The following ANKFN1 variants were observed in gnomAD, a reference collection of about 807,000 sequenced individuals.
The protein encoded by ANKFN1 is ankyrin repeat and fibronectin type-III domain-containing protein 1.
ANKFN1 carries 74 observed loss-of-function variants against 108.7 expected under a neutral mutation model. The ratio of observed to expected loss-of-function variants is 0.68; its 90% CI spans 0.56 to 0.83. The LOEUF (loss-of-function observed/expected upper bound fraction) is 0.83. Among genes scored for constraint, ANKFN1 ranks in the 40% least tolerant of loss-of-function variants. ANKFN1 has a pLI of 0.00. For synonymous variants in ANKFN1, 547 were observed against 516.2 expected, an observed-to-expected ratio of 1.06 and a Z score of -0.81; for missense variants, 1,505 against 1,382.3, an observed-to-expected ratio of 1.09 and a Z score of -1.41.
chr17:56,272,446 TATC>T (rs1383890902), intron 3 of ANKFN1, among the ~76,000 whole-genome samples: 4 of 152,192 alleles, frequency 2.6e-5, no homozygotes, highest in African/African-American at 4.8e-5. Context: ...CTTAGGATAA[TATC>T]ATCAGGGTTA....
intron 4 of ANKFN1, among the ~76,000 whole-genome samples, chr17:56,064,877 A>G (rs964897538): frequency 6.6e-6 from 1 of 152,158 alleles, no homozygotes; most frequent in Admixed American, 6.5e-5. Context: ...GGATCTTCCA[A>G]TCTGTGGGTC....
intron 8 of ANKFN1, among the ~76,000 whole-genome samples, chr17:56,408,198 G>A (rs1433701223): frequency 6.6e-6 from 1 of 152,032 alleles, no homozygotes; most frequent in Admixed American, 6.5e-5. Flanking sequence ...GCCTCCCAAA[G>A]TGCTGAGATT....
chr17:56,335,327 G>T (rs577478328), intron 4 of ANKFN1, among the ~76,000 whole-genome samples: 2 of 152,076 alleles, frequency 1.3e-5, no homozygotes, highest in Non-Finnish European at 2.9e-5. Context: ...CCATTTTCAC[G>T]ATATTGATTC....
intron 8 of ANKFN1, among the ~76,000 whole-genome samples, chr17:56,389,165 C>G (rs374518218): frequency 6.6e-6 from 1 of 152,156 alleles, no homozygotes; most frequent in East Asian, 1.9e-4. Context: ...ATCCAGATGT[C>G]CTTAAATTGG....
At chr17:56,434,540 G>A (rs2048870018) in intron 8 of ANKFN1, among the ~76,000 whole-genome samples, 1 of 152,146 alleles carries the variant, frequency 6.6e-6, no homozygotes, top group African/African-American at 2.4e-5. Flanking sequence ...AAAGATTCTT[G>A]TTTGAAAGTA....
At chr17:56,229,005 T>C (rs1368542767) in intron 3 of ANKFN1, among the ~76,000 whole-genome samples, 4 of 152,178 alleles carry the variant, frequency 2.6e-5, no homozygotes, top group East Asian at 3.9e-4. Flanking sequence ...TGTGTTCAGC[T>C]GAACTGCAGG....
chr17:56,184,083 G>A (rs1210439378), intron 1 of ANKFN1, among the ~76,000 whole-genome samples: 2 of 152,176 alleles, frequency 1.3e-5, no homozygotes, highest in African/African-American at 2.4e-5. Context: ...AAACTTACTT[G>A]AGAAAGCAGT....
chr17:56,227,970 C>T lies in ANKFN1; in HGVS notation c.53+13C>T. 2.5e-6 allele frequency: 4 copies of T among 1,602,758 alleles called. No individual in the cohort carries two copies. The highest frequency in any genetic ancestry group is 1.1e-5 in the South Asian group (1 of 88,964). On this transcript the variant is annotated intron_variant, in intron 3 of 20. Coordinates refer to ENST00000682825, the MANE Select transcript of ANKFN1 (RefSeq NM_001370326.1). ...CTTGCAGCAAAATGTAAGTACATTT[C>T]CTCCTTGAAATGGTATCTACTTCTC...
intron 1 of ANKFN1, among the ~76,000 whole-genome samples, chr17:56,206,752 G>T (rs1914572152): frequency 6.6e-6 from 1 of 152,102 alleles, no homozygotes; most frequent in African/African-American, 2.4e-5. Context: ...CATATCCTTT[G>T]GCAAGAGATG....
intron 18 of ANKFN1, among the ~76,000 whole-genome samples, chr17:56,487,210 C>G (rs963534086): frequency 6.6e-6 from 1 of 152,154 alleles, no homozygotes; most frequent in Non-Finnish European, 1.5e-5. Context: ...TTTCCACAGC[C>G]TGAAGGTTGA....
chr17:56,326,054 G>T lies in ANKFN1; in HGVS notation c.54-167G>T, dbSNP rs148748404. On this transcript the variant is annotated intron_variant, in intron 3 of 20. Coordinates refer to ENST00000682825, the MANE Select transcript of ANKFN1 (RefSeq NM_001370326.1). ...AGCTACAGGAATCAAGCCTTCCCCA[G>T]GCTGCAGTCTAGAGAATACACCTAG... Among the ~76,000 whole-genome samples the T allele has an allele frequency of 1.2e-4, 18 of 152,294 alleles. No homozygotes were observed. The East Asian group carries it at 3.5e-3, about 29-fold the overall frequency.
intron 8 of ANKFN1, among the ~76,000 whole-genome samples, chr17:56,430,198 A>G (rs1241809710): frequency 3.3e-5 from 5 of 152,146 alleles, no homozygotes; most frequent in Non-Finnish European, 7.4e-5. Flanking sequence ...CTAGCTGATC[A>G]ATAATCTAAT....
intron 4 of ANKFN1, among the ~76,000 whole-genome samples, chr17:56,064,295 G>A (rs939156194): frequency 4.6e-5 from 7 of 152,204 alleles, no homozygotes; most frequent in African/African-American, 7.2e-5. Flanking sequence ...AAACCCACTC[G>A]TCTGGGCTGC....
intron 4 of ANKFN1, among the ~76,000 whole-genome samples, chr17:56,105,990 G>A (rs1454388887): frequency 6.6e-6 from 1 of 152,058 alleles, no homozygotes; most frequent in Non-Finnish European, 1.5e-5. Context: ...GGCCCAAAAT[G>A]TCAGTAGTGC....
chr17:56,318,586 G>A (rs1199999693), intron 3 of ANKFN1, among the ~76,000 whole-genome samples: 1 of 152,134 alleles, frequency 6.6e-6, no homozygotes, highest in Non-Finnish European at 1.5e-5. Context: ...ATGAAGTTAG[G>A]CTGTGCTGAG....
At chr17:56,117,973 G>A (rs1906379509) in intron 4 of ANKFN1, among the ~76,000 whole-genome samples, 1 of 151,990 alleles carries the variant, frequency 6.6e-6, no homozygotes, top group Non-Finnish European at 1.5e-5. Flanking sequence ...TCTTATAATA[G>A]AATCATACAA....
chr17:56,484,333 C>T (rs1179135330), intron 18 of ANKFN1, among the ~76,000 whole-genome samples: 1 of 150,540 alleles, frequency 6.6e-6, no homozygotes, highest in African/African-American at 2.5e-5. Context: ...TTTATTCATC[C>T]AGTGTTAGGG....
At chr17:56,172,966 A>C (rs539011125) in intron 1 of ANKFN1, among the ~76,000 whole-genome samples, 2 of 152,326 alleles carry the variant, frequency 1.3e-5, no homozygotes, top group African/African-American at 4.8e-5. Context: ...GTTAGTTTTC[A>C]GTCCCCACCA....
chr17:56,296,699 AAAC>A (rs572858230), intron 3 of ANKFN1, among the ~76,000 whole-genome samples: 41 of 151,924 alleles, frequency 2.7e-4, no homozygotes, highest in Admixed American at 4.6e-4. Flanking sequence ...ACAAACAAAC[AAAC>A]AACAACAACA....
Sources: gnomAD v4.1 joint callset for allele counts (sites outside exome capture counted in the v4.1 genomes callset) on GRCh38, gnomAD v4.1.1 for gene constraint, MANE v1.5 for transcripts, NCBI Gene and HGNC (gene_info 2026-07-23, HGNC 2026-07-21) for gene names.